DPP6: variants seen among roughly 807,000 people sequenced by gnomAD.
DPP6 encodes dipeptidyl peptidase like 6.
A neutral mutation model predicts 122.6 loss-of-function variants in DPP6; 69 were observed. That is an observed-to-expected ratio of 0.56 (90% CI 0.46 to 0.69). The LOEUF (loss-of-function observed/expected upper bound fraction) is 0.69, where lower values mean the gene tolerates loss of function less well. Ranked by LOEUF, DPP6 falls within the 30% of genes least tolerant of loss-of-function variation. The pLI is 0.00. For missense variants in DPP6, 928 were observed against 1,116.9 expected (o/e 0.83, Z 2.41); for synonymous variants, 418 against 433.1 (o/e 0.97, Z 0.43).
At chr7:154,803,147 G>C (rs1587190886) in intron 13 of DPP6, among the ~76,000 whole-genome samples, 1 of 152,062 alleles carries the variant, frequency 6.6e-6, no homozygotes, top group Non-Finnish European at 1.5e-5. Flanking sequence ...TGTGTGCCTT[G>C]GGCCCTCCAC....
Position 154,494,769 on chromosome 7 carries a change from A to G in DPP6, c.457+19732A>G, listed in dbSNP as rs577050145. 6.1e-4 allele frequency among the ~76,000 whole-genome samples: 93 copies of G among 152,300 alleles called. 2 individuals carry two copies. Among genetic ancestry groups the G allele is most frequent in the South Asian group, 3.5e-3 (17 of 4,826 alleles). The stretch of plus-strand genomic sequence containing the variant: ...TCCCCAACCCACTGTCTTTCCATCA[A>G]TTTGCCTCCTCCAAGTCAACCAAAT... On this transcript the variant is annotated intron_variant, in intron 3 of 25. Transcript: ENST00000377770.
intron 1 of DPP6, among the ~76,000 whole-genome samples, chr7:154,182,789 C>G (rs1196479384): frequency 1.3e-5 from 2 of 152,252 alleles, no homozygotes; most frequent in Admixed American, 6.5e-5. Context: ...GAGAAAAATG[C>G]AAAACCACCT....
At chr7:153,758,032 A>C in the DPP6 span, among the ~76,000 whole-genome samples, 462 of 152,334 alleles carry the variant, frequency 3.0e-3, no homozygotes, top group African/African-American at 0.011. Flanking sequence ...TGGCATAGAT[A>C]TCAAAAACTA....
At chr7:153,868,889 C>T in the DPP6 span, among the ~76,000 whole-genome samples, 1 of 152,082 alleles carries the variant, frequency 6.6e-6, no homozygotes, top group East Asian at 1.9e-4. Flanking sequence ...ATCTTTATTT[C>T]TGCTTTCATT....
In DPP6 at chr7:154,566,905, A is replaced by G. The variant is rs779081944; in HGVS notation, c.616A>G (p.Asn206Asp). 2.6e-5 allele frequency: 41 copies of G among 1,605,850 alleles called. 1 individual carries two copies. In the South Asian group the frequency reaches 4.5e-4, roughly 18 times the overall value. ...PDREYALFSY[N>D]VEPIYQHSYT... ...TAGAGAGTATGCACTTTTTTCATAC[A>G]ATGTGGAACCCGTGAGTATTATCCT... The change falls in exon 5 of 26, where the codon AAT becomes GAT. Residue 206 changes from asparagine to aspartate, a missense_variant. Physicochemically the swap from Asn to Asp is conservative, Grantham distance 23 (BLOSUM62 1). Coordinates refer to ENST00000377770, the MANE Select transcript of DPP6 (RefSeq NM_130797.4).
chr7:154,074,143 A>ATATAGATATCTATATATATCTCTCTC (rs1409910255), intron 1 of DPP6, among the ~76,000 whole-genome samples: 810 of 40,140 alleles, frequency 0.02, 14 homozygotes, highest in Non-Finnish European at 0.033. Flanking sequence ...ATATCTCTCT[A>ATATAGATATCTATATATATCTCTCTC]TATATGTATA....
chr7:154,893,624 G>T lies in DPP6; in HGVS notation c.*1144G>T, dbSNP rs963610857. 9.2e-5 allele frequency: 14 copies of T among 152,054 alleles called. No individual in the cohort carries two copies. Among genetic ancestry groups the T allele is most frequent in the African/African-American group, 3.4e-4 (14 of 41,390 alleles). The allele number at this position is 152,054 out of a possible 1,614,324, so 9.4% of individuals were successfully genotyped here. On this transcript the variant is annotated 3_prime_UTR_variant, in exon 26 of 26. Transcript: ENST00000377770. ...GTGACCTTCCTGCCACGAGCAGGAG[G>T]TTGATGATGTGCTACGTTAGCCTTG...
chr7:154,530,913 G>A lies in DPP6; in HGVS notation c.458-9619G>A, dbSNP rs150221062. 1.2e-4 allele frequency among the ~76,000 whole-genome samples: 19 copies of A among 152,130 alleles called. No homozygotes were observed. The East Asian group carries it at 1.7e-3, about 14-fold the overall frequency. ...ACACAGGAACAGAAAACCAAACACC[G>A]CATGTTCTCACTTATAAGTGGGAAG... On this transcript the variant is annotated intron_variant, in intron 3 of 25. Coordinates refer to ENST00000377770, the MANE Select transcript of DPP6 (RefSeq NM_130797.4).
At chr7:154,789,028 C>T (rs188927350) in intron 10 of DPP6, among the ~76,000 whole-genome samples, 1 of 151,300 alleles carries the variant, frequency 6.6e-6, no homozygotes, top group African/African-American at 2.5e-5. Context: ...CTTCCCTTTC[C>T]TTTATTCTGC....
chr7:154,748,075 T>C (rs2131440946), intron 8 of DPP6, among the ~76,000 whole-genome samples: 1 of 152,244 alleles, frequency 6.6e-6, no homozygotes, highest in African/African-American at 2.4e-5. Flanking sequence ...GAGGAGACAC[T>C]CGGAACTCAA....
chr7:153,934,279 T>A (rs2129014298), intron 1 of DPP6, among the ~76,000 whole-genome samples: 1 of 152,038 alleles, frequency 6.6e-6, no homozygotes, highest in Admixed American at 6.5e-5. Context: ...GAGGCCTCCC[T>A]GTGGCCACAT....
At chr7:154,377,736 G>A (rs1042635752) in intron 1 of DPP6, among the ~76,000 whole-genome samples, 14 of 152,152 alleles carry the variant, frequency 9.2e-5, no homozygotes, top group Admixed American at 2.0e-4. Flanking sequence ...CGTGTGAAAC[G>A]TGAGTTAATA....
intron 1 of DPP6, among the ~76,000 whole-genome samples, chr7:154,003,433 T>C (rs1208098312): frequency 6.6e-6 from 1 of 152,196 alleles, no homozygotes; most frequent in African/African-American, 2.4e-5. Context: ...TCACAATCAA[T>C]AGTCATTTGA....
At chr7:154,688,804 A>G (rs971373192) in intron 7 of DPP6, among the ~76,000 whole-genome samples, 2 of 152,202 alleles carry the variant, frequency 1.3e-5, no homozygotes, top group Admixed American at 6.5e-5. Context: ...ACTGACTCAA[A>G]TGTTAATCTC....
At chr7:154,117,735 C>T in intron 1 of DPP6, among the ~76,000 whole-genome samples, 1 of 151,612 alleles carries the variant, frequency 6.6e-6, no homozygotes, top group East Asian at 2.0e-4. Flanking sequence ...TTTGCTAAAT[C>T]TGATGTGCCC....
chr7:154,652,380 CT>C (rs138842106), intron 6 of DPP6, among the ~76,000 whole-genome samples: 59 of 145,266 alleles, frequency 4.1e-4, no homozygotes, highest in Non-Finnish European at 7.3e-4. Context: ...TTTCTTTAGT[CT>C]AATTCATTAT....
chr7:154,790,007 G>A (rs1797575619), intron 10 of DPP6, among the ~76,000 whole-genome samples: 1 of 152,172 alleles, frequency 6.6e-6, no homozygotes, highest in South Asian at 2.1e-4. Flanking sequence ...AGACCAGCCT[G>A]GGTAACATGG....
chr7:153,931,491 C>G (rs17173836), intron 1 of DPP6, among the ~76,000 whole-genome samples: 30,093 of 152,058 alleles, frequency 0.2, 3,207 homozygotes, highest in Middle Eastern at 0.31. Context: ...AACCTTTCTT[C>G]AGGTGAATGT....
At chr7:154,643,249 T>G (rs1252190737) in intron 6 of DPP6, among the ~76,000 whole-genome samples, 1 of 151,254 alleles carries the variant, frequency 6.6e-6, no homozygotes, top group East Asian at 1.9e-4. Context: ...ATTTTTTTTA[T>G]ATCATCTCAT....
Sources: gnomAD v4.1 joint callset for allele counts (sites outside exome capture counted in the v4.1 genomes callset) on GRCh38, gnomAD v4.1.1 for gene constraint, MANE v1.5 for transcripts, NCBI Gene and HGNC (gene_info 2026-07-23, HGNC 2026-07-21) for gene names.